CACNA2D2: variants seen among roughly 807,000 people sequenced by gnomAD.
CACNA2D2 encodes the protein voltage-dependent calcium channel subunit alpha-2/delta-2.
Under a neutral mutation model 166.4 loss-of-function variants are expected in CACNA2D2, and 48 were observed. The observed-to-expected ratio is 0.29, with a 90% confidence interval of 0.23 to 0.37. The LOEUF is 0.37. CACNA2D2 is among the 10% of genes least tolerant of loss of function. The pLI is 1.00. For synonymous variants in CACNA2D2, 561 were observed against 573.7 expected (o/e 0.98, Z 0.32); for missense variants, 1,122 against 1,433.0 (o/e 0.78, Z 3.50).
intron 1 of CACNA2D2, 64 bp from the exon 2 acceptor site, chr3:50,476,263 A>G: frequency 7.3e-7 from 1 of 1,364,238 alleles, no homozygotes; most frequent in Non-Finnish European, 1.0e-6. Flanking sequence ...GCCCCACCCC[A>G]GCCAACCCGG....
At chr3:50,372,976 G>T in intron 22 of CACNA2D2, 2 of 1,055,050 alleles carry the variant, frequency 1.9e-6, no homozygotes, top group Non-Finnish European at 2.8e-6. Context: ...CAGGGGTTTG[G>T]CTGGTCCTGG....
chr3:50,396,530 G>A (rs548476360), intron 3 of CACNA2D2, among the ~76,000 whole-genome samples: 68 of 152,236 alleles, frequency 4.5e-4, no homozygotes, highest in Middle Eastern at 3.4e-3. Flanking sequence ...ACAAATGCCT[G>A]CCCACGCCGA....
chr3:50,375,831 G>A lies in CACNA2D2; in HGVS notation c.1823C>T (p.Thr608Met), dbSNP rs759199613. 17 of 1,612,914 alleles carry A rather than the reference G, an allele frequency of 1.1e-5. No homozygotes were observed. The highest frequency in any genetic ancestry group is 1.6e-4 in the Middle Eastern group (1 of 6,082). Reference sequence around the variant, plus strand: ...TACCTCATCCAGGGACTTGACCAACGTTCTGATCTGCTTGTGGCCCTTGTT... The same window carrying A: ...TACCTCATCCAGGGACTTGACCAACATTCTGATCTGCTTGTGGCCCTTGTT... ...DGNKGHKQIR[T>M]LVKSLDERYI... Residue 608 changes from threonine (T) to methionine (M), a missense_variant, in exon 20 of 38, where the codon ACG becomes ATG. Physicochemically the swap from Thr to Met is moderately conservative, Grantham distance 81. Coordinates refer to ENST00000424201, the MANE Select transcript of CACNA2D2 (RefSeq NM_006030.4). The surrounding 1 kb of genome is among the most constrained non-coding windows in gnomAD (Gnocchi z 4.0).
chr3:50,436,760 G>A (rs993300890), intron 2 of CACNA2D2, among the ~76,000 whole-genome samples: 1 of 152,204 alleles, frequency 6.6e-6, no homozygotes, highest in East Asian at 1.9e-4. Flanking sequence ...CTCCCTGCTA[G>A]ATCTGTACAC....
chr3:50,432,704 G>C (rs906292485), intron 3 of CACNA2D2, among the ~76,000 whole-genome samples: 1 of 152,236 alleles, frequency 6.6e-6, no homozygotes, highest in Admixed American at 6.5e-5. Context: ...TGAAGGGTGG[G>C]TGGAGCCCTG....
chr3:50,439,182 C>G (rs1170710310), intron 2 of CACNA2D2, among the ~76,000 whole-genome samples: 2 of 152,190 alleles, frequency 1.3e-5, no homozygotes, highest in African/African-American at 2.4e-5. Flanking sequence ...ATGAACTGGG[C>G]AGGCCTGAAG....
At chr3:50,468,829 C>CTTTT (rs5848893) in intron 2 of CACNA2D2, among the ~76,000 whole-genome samples, 1 of 133,086 alleles carries the variant, frequency 7.5e-6, no homozygotes, top group Non-Finnish European at 1.6e-5. Context: ...CCTTCTCTCT[C>CTTTT]TTTTTTTTTT....
chr3:50,480,090 T>C (rs1697982162), intron 1 of CACNA2D2, among the ~76,000 whole-genome samples: 1 of 152,128 alleles, frequency 6.6e-6, no homozygotes, highest in Non-Finnish European at 1.5e-5. Context: ...GAACACATTG[T>C]GGCTCCATTT....
intron 3 of CACNA2D2, among the ~76,000 whole-genome samples, chr3:50,429,592 CAAAAAAA>C (rs1160685582): frequency 8.7e-4 from 46 of 52,646 alleles, no homozygotes; most frequent in South Asian, 3.3e-3. Flanking sequence ...ACTAAAAATA[CAAAAAAA>C]AAAAAAAAAA....
chr3:50,496,196 G>A (rs955425558), intron 1 of CACNA2D2, among the ~76,000 whole-genome samples: 22 of 152,322 alleles, frequency 1.4e-4, no homozygotes, highest in Admixed American at 7.2e-4. Flanking sequence ...TAAACCACAC[G>A]TGTGCTTGCA....
chr3:50,417,844 C>T (rs941874099), intron 3 of CACNA2D2, among the ~76,000 whole-genome samples: 1 of 152,202 alleles, frequency 6.6e-6, no homozygotes. Flanking sequence ...CCAGGCCGAC[C>T]TGTCGCTGTG....
At chr3:50,370,060 G>A (rs1429136707) in intron 23 of CACNA2D2, among the ~76,000 whole-genome samples, 1 of 152,254 alleles carries the variant, frequency 6.6e-6, no homozygotes, top group Non-Finnish European at 1.5e-5. Flanking sequence ...TGGGAGGGCA[G>A]GGAAAGTCAG....
At chr3:50,377,442 C>A (rs145152781) in intron 17 of CACNA2D2, 25 bp downstream of exon 17, 1 of 1,598,076 alleles carries the variant, frequency 6.3e-7, no homozygotes, top group African/African-American at 1.3e-5. Context: ...AGGCAGGGTA[C>A]GCGGATGGGC....
At chr3:50,422,165 T>C (rs1707600220) in intron 3 of CACNA2D2, among the ~76,000 whole-genome samples, 1 of 152,014 alleles carries the variant, frequency 6.6e-6, no homozygotes, top group South Asian at 2.1e-4. Context: ...CAGCCCTAGC[T>C]CTGGCTTCAG....
At position 50,365,250 on chromosome 3, in the gene CACNA2D2, C is replaced by T. The variant is rs1471797121; in HGVS notation, c.3099-66G>A. On this transcript the variant is annotated intron_variant, in intron 35 of 37. Transcript: ENST00000424201. The surrounding 1 kb of genome is among the most constrained non-coding windows in gnomAD (Gnocchi z 4.5). The stretch of plus-strand genomic sequence containing the variant: ...GCCCTGACCCACCCCCATCCTGCGG[C>T]CCCGCCCCCGGCCGCTCGGAGGCCC... 2.1e-5 allele frequency: 17 copies of T among 817,740 alleles called. No individual in the cohort carries two copies. The highest frequency in any genetic ancestry group is 2.9e-5 in the Non-Finnish European group (17 of 583,008). 50.7% of individuals were successfully genotyped at this position (817,740 alleles called of 1,614,324 possible).
At chr3:50,428,213 C>T (rs1003257634) in intron 3 of CACNA2D2, among the ~76,000 whole-genome samples, 2 of 152,142 alleles carry the variant, frequency 1.3e-5, no homozygotes, top group African/African-American at 4.8e-5. Context: ...GGGTAGAGGG[C>T]AAGGGTGCTG....
chr3:50,467,185 AC>A (rs1191933272), intron 2 of CACNA2D2, among the ~76,000 whole-genome samples: 2 of 152,036 alleles, frequency 1.3e-5, no homozygotes, highest in Non-Finnish European at 2.9e-5. Flanking sequence ...CTGGCCCCAG[AC>A]CAGTATCTGG....
rs369157817 is a variant in CACNA2D2 at position 50,364,607 on chromosome 3, G to A, written c.*59C>T. 4.3e-5 allele frequency: 62 copies of A among 1,448,810 alleles called. No individual in the cohort carries two copies. In the African/African-American group the frequency reaches 6.7e-4, roughly 16 times the overall value. The allele number at this position is 1,448,810 out of a possible 1,614,324, so 89.7% of individuals were successfully genotyped here. A position where few individuals can be genotyped will look rare whatever the true frequency, so the allele number is the denominator to read the frequency against. On this transcript the variant is annotated 3_prime_UTR_variant, in exon 38 of 38. Transcript: ENST00000424201. ...TAAGGCGGGGAGTGTGGGGCAGGAGGGTGGGAAAGGCGAAGAGGCCGGGTG... is the reference window on the plus strand; with the variant it reads ...TAAGGCGGGGAGTGTGGGGCAGGAGAGTGGGAAAGGCGAAGAGGCCGGGTG...
intron 2 of CACNA2D2, among the ~76,000 whole-genome samples, chr3:50,461,719 C>T (rs1182555679): frequency 6.8e-6 from 1 of 146,492 alleles, no homozygotes; most frequent in Non-Finnish European, 1.5e-5. Context: ...CGAGATCATG[C>T]CACTGCACTC....
Sources: gnomAD v4.1 joint callset for allele counts (sites outside exome capture counted in the v4.1 genomes callset) on GRCh38, gnomAD v4.1.1 for gene constraint, Gnocchi (gnomAD v3.1) non-coding constraint, MANE v1.5 for transcripts, NCBI Gene and HGNC (gene_info 2026-07-23, HGNC 2026-07-21) for gene names.